Variants in MAP3K5 observed in about 807,000 individuals in gnomAD.
The protein encoded by MAP3K5 is ASK-1.
Under a neutral mutation model 158.7 loss-of-function variants are expected in MAP3K5, and 56 were observed. The ratio of observed to expected loss-of-function variants is 0.35; its 90% CI spans 0.28 to 0.44. The LOEUF is 0.44. Among genes scored for constraint, MAP3K5 ranks in the 20% least tolerant of loss-of-function variants. The pLI is 1.00. For synonymous variants in MAP3K5, 579 were observed against 601.7 expected, an observed-to-expected ratio of 0.96 and a Z score of 0.55; for missense variants, 1,294 against 1,674.8, an observed-to-expected ratio of 0.77 and a Z score of 3.97.
chr6:136,708,935 C>G (rs909056125), intron 2 of MAP3K5, among the ~76,000 whole-genome samples: 2 of 152,080 alleles, frequency 1.3e-5, no homozygotes, highest in African/African-American at 4.8e-5. Flanking sequence ...AGGAAATGCC[C>G]TCTCCGTCCT....
intron 1 of MAP3K5, among the ~76,000 whole-genome samples, chr6:136,770,421 T>C (rs925097649): frequency 5.9e-5 from 9 of 152,236 alleles, no homozygotes; most frequent in African/African-American, 1.4e-4. Flanking sequence ...CCAAATACTA[T>C]GTGTTATTTA....
At chr6:136,778,019 A>T (rs576929491) in intron 1 of MAP3K5, among the ~76,000 whole-genome samples, 45 of 152,356 alleles carry the variant, frequency 3.0e-4, no homozygotes, top group Middle Eastern at 3.4e-3. Context: ...AAGGACTTCA[A>T]ATTCCACTAC....
At position 136,637,384 on chromosome 6, in the gene MAP3K5, T is replaced by C; in HGVS notation, c.1957A>G (p.Ile653Val). 1.9e-6 allele frequency: 3 copies of C among 1,609,822 alleles called. No individual in the cohort carries two copies. The highest frequency in any genetic ancestry group is 2.6e-6 in the Non-Finnish European group (3 of 1,176,086). ...GTGCTTCTCCCCTTCTCTTCGGTAA[T>C]GGTGTTCACCATCTCAAAAAACCTA... ...CKKFFEMVNT[I>V]TEEKGRSTEE... The change falls in exon 14 of 30, where the codon ATT becomes GTT. Residue 653 changes from isoleucine to valine, a missense_variant. This residue lies in a region of MAP3K5 where 690 missense variants were observed against 870.5 expected (regional missense o/e 0.79). Transcript: ENST00000359015.
At chr6:136,694,526 T>A (rs1350235631) in intron 6 of MAP3K5, among the ~76,000 whole-genome samples, 1 of 152,232 alleles carries the variant, frequency 6.6e-6, no homozygotes, top group Non-Finnish European at 1.5e-5. Flanking sequence ...GGATTTCTTT[T>A]GAGTTTCTGT....
chr6:136,566,538 G>A (rs942381060), intron 26 of MAP3K5, among the ~76,000 whole-genome samples: 7 of 152,164 alleles, frequency 4.6e-5, no homozygotes, highest in African/African-American at 1.7e-4. Context: ...AGGAATGAGG[G>A]AAACCAAGAT....
chr6:136,599,036 T>C (rs1456272549), intron 21 of MAP3K5, among the ~76,000 whole-genome samples: 1 of 151,850 alleles, frequency 6.6e-6, no homozygotes, highest in Non-Finnish European at 1.5e-5. Flanking sequence ...CTGGGCGTGG[T>C]AGTGGGCACC....
At position 136,754,857 on chromosome 6, in the gene MAP3K5, C is replaced by T. The variant is rs573864401; in HGVS notation, c.449-34268G>A. On this transcript the variant is annotated intron_variant, in intron 1 of 29. Coordinates refer to ENST00000359015, the MANE Select transcript of MAP3K5 (RefSeq NM_005923.4). ...GAACAGAGGAAACGGGGCTGAGGCA[C>T]GTTCCTGGGGTCCACTGACAAGATC... Among the ~76,000 whole-genome samples, 6 of 152,170 alleles carry T rather than the reference C, an allele frequency of 3.9e-5. 1 individual carries two copies. Among genetic ancestry groups the T allele is most frequent in the African/African-American group, 1.4e-4 (6 of 41,512 alleles).
rs1476383103 is a variant in MAP3K5, at chr6:136,705,131, T to C, written c.591A>G (p.Glu197=). 1 of 1,197,608 alleles carries C rather than the reference T, an allele frequency of 8.3e-7. No individual in the cohort carries two copies. Among genetic ancestry groups the C allele is most frequent in the Non-Finnish European group, 1.2e-6 (1 of 850,990 alleles). 74.2% of individuals were successfully genotyped at this position (1,197,608 alleles called of 1,614,324 possible). ...TCACAGTATTCTTCTGGCAAATTAT[T>C]TCCTGAAAAACAAGAAAAAAAATAT... The part of the protein sequence containing the change: ...TNSDSLQSLK[E]IICQKNTMCT... Residue 197 remains glutamate (E), a splice_region_variant and synonymous_variant, in exon 3 of 30, where the codon GAA becomes GAG. Coordinates refer to ENST00000359015, the MANE Select transcript of MAP3K5 (RefSeq NM_005923.4).
In MAP3K5 at chr6:136,609,218, T is replaced by G. The variant is rs1776227955; in HGVS notation, c.2521+2064A>C. 6.6e-6 allele frequency among the ~76,000 whole-genome samples: 1 copy of G among 152,218 alleles called. No homozygotes were observed. Among genetic ancestry groups the G allele is most frequent in the East Asian group, 1.9e-4 (1 of 5,200 alleles). On this transcript the variant is annotated intron_variant, in intron 18 of 29. Coordinates refer to ENST00000359015, the MANE Select transcript of MAP3K5 (RefSeq NM_005923.4). The surrounding 1 kb of genome is among the most constrained non-coding windows in gnomAD (Gnocchi z 4.4). ...TGAGTCTTGACAGCACTGAAACTGC[T>G]GCTTGCCAAGTTAAGAGTAAGAGGA... is the stretch of plus-strand genomic sequence containing the variant.
intron 21 of MAP3K5, among the ~76,000 whole-genome samples, chr6:136,599,022 T>C (rs559300587): frequency 1.2e-4 from 19 of 152,062 alleles, no homozygotes; most frequent in African/African-American, 3.9e-4. Context: ...AATACAAAAA[T>C]TAGCTGGGCG....
intron 25 of MAP3K5, chr6:136,579,972 T>C (rs919826850): frequency 4.7e-6 from 2 of 427,376 alleles, no homozygotes; most frequent in Non-Finnish European, 9.2e-6. Flanking sequence ...TGGGAACCAC[T>C]GGGTAAAAGA....
At chr6:136,745,571 C>T (rs1180229792) in intron 1 of MAP3K5, among the ~76,000 whole-genome samples, 1 of 152,122 alleles carries the variant, frequency 6.6e-6, no homozygotes, top group African/African-American at 2.4e-5. Context: ...ACTCCCAGCA[C>T]ACCTACCATC....
At chr6:136,721,209 T>A (rs1244740757) in intron 1 of MAP3K5, among the ~76,000 whole-genome samples, 1 of 148,162 alleles carries the variant, frequency 6.7e-6, no homozygotes, top group African/African-American at 2.6e-5. Flanking sequence ...TAACTAAGGT[T>A]CCAAATAAGG....
intron 7 of MAP3K5, among the ~76,000 whole-genome samples, chr6:136,685,189 G>A (rs565943306): frequency 3.9e-5 from 6 of 151,998 alleles, no homozygotes; most frequent in South Asian, 2.1e-4. Context: ...ATGGTGGCAC[G>A]CGCCTGTAGT....
At chr6:136,735,723 A>G (rs1040236014) in intron 1 of MAP3K5, among the ~76,000 whole-genome samples, 2 of 152,132 alleles carry the variant, frequency 1.3e-5, no homozygotes, top group Non-Finnish European at 2.9e-5. Flanking sequence ...CCAGCTACTA[A>G]GGAGCTGAGG....
intron 21 of MAP3K5, among the ~76,000 whole-genome samples, chr6:136,596,725 G>A (rs1432216142): frequency 6.6e-6 from 1 of 152,236 alleles, no homozygotes; most frequent in Non-Finnish European, 1.5e-5. Flanking sequence ...GACAGGTGGT[G>A]CTGAGACAGT....
chr6:136,748,768 G>T (rs1194990268), intron 1 of MAP3K5, among the ~76,000 whole-genome samples: 1 of 152,192 alleles, frequency 6.6e-6, no homozygotes, highest in African/African-American at 2.4e-5. Context: ...GTGGTCAAAG[G>T]TAAGAGAATA....
At chr6:136,559,631 G>A (rs1253686312) in intron 28 of MAP3K5, among the ~76,000 whole-genome samples, 3 of 152,172 alleles carry the variant, frequency 2.0e-5, no homozygotes, top group African/African-American at 7.2e-5. Context: ...GTTAAGCAAA[G>A]GCACTTGACT....
At chr6:136,623,205 T>C (rs1470250012) in intron 14 of MAP3K5, among the ~76,000 whole-genome samples, 5 of 152,248 alleles carry the variant, frequency 3.3e-5, no homozygotes, top group African/African-American at 1.2e-4. Flanking sequence ...GGGGATTACA[T>C]AGTTAACTTC....
Sources: gnomAD v4.1 joint callset for allele counts (sites outside exome capture counted in the v4.1 genomes callset) on GRCh38, gnomAD v4.1.1 for gene constraint, gnomAD v4.1.1 regional missense constraint, Gnocchi (gnomAD v3.1) non-coding constraint, MANE v1.5 for transcripts, NCBI Gene and HGNC (gene_info 2026-07-23, HGNC 2026-07-21) for gene names.